HERC6: variants seen among roughly 807,000 people sequenced by gnomAD.
The protein encoded by HERC6 is HECT and RLD domain containing E3 ubiquitin protein ligase family member 6, also known as probable E3 ubiquitin-protein ligase HERC6.
In HERC6, 101 loss-of-function variants were observed where a neutral mutation model predicts 114.5. The ratio of observed to expected loss-of-function variants is 0.88; its 90% CI spans 0.75 to 1.04. The LOEUF (loss-of-function observed/expected upper bound fraction) is 1.04. Among genes scored for constraint, HERC6 ranks in the 50% least tolerant of loss-of-function variants. HERC6 has a pLI of 0.00. For missense variants in HERC6, 1,133 were observed against 1,230.9 expected, an observed-to-expected ratio of 0.92 and a Z score of 1.19; for synonymous variants, 408 against 436.2, an observed-to-expected ratio of 0.94 and a Z score of 0.81.
At chr4:88,400,403 C>T (rs1275940068) in intron 8 of HERC6, among the ~76,000 whole-genome samples, 1 of 152,104 alleles carries the variant, frequency 6.6e-6, no homozygotes, top group African/African-American at 2.4e-5. Flanking sequence ...CGCCATGTTG[C>T]TCAGGCTGGT....
At chr4:88,414,310 ATTT>A (rs58308049) in intron 12 of HERC6, among the ~76,000 whole-genome samples, 1 of 148,392 alleles carries the variant, frequency 6.7e-6, no homozygotes, top group African/African-American at 2.5e-5. Context: ...GACTCTACCA[ATTT>A]TTTTTTTTTT....
intron 13 of HERC6, among the ~76,000 whole-genome samples, chr4:88,421,837 T>C (rs1245860028): frequency 2.0e-5 from 3 of 152,248 alleles, no homozygotes; most frequent in Admixed American, 2.0e-4. Flanking sequence ...CTTGTGATTT[T>C]GACTTGTATT....
intron 16 of HERC6, among the ~76,000 whole-genome samples, chr4:88,430,569 C>CAAAT (rs375978104): frequency 0.21 from 29,183 of 141,126 alleles, 3,700 homozygotes; most frequent in African/African-American, 0.33. Context: ...GACTCCATCT[C>CAAAT]AAATAAATAA....
At chr4:88,401,532 A>G (rs1735545861) in intron 8 of HERC6, among the ~76,000 whole-genome samples, 1 of 152,086 alleles carries the variant, frequency 6.6e-6, no homozygotes, top group African/African-American at 2.4e-5. Context: ...GAAACAGTGA[A>G]TAATTGCAGA....
At chr4:88,392,270 C>T (rs763431761) in intron 4 of HERC6, among the ~76,000 whole-genome samples, 2 of 150,392 alleles carry the variant, frequency 1.3e-5, no homozygotes, top group East Asian at 2.0e-4. Flanking sequence ...TCTCAGCTCC[C>T]GAGTAGCTGG....
intron 8 of HERC6, among the ~76,000 whole-genome samples, chr4:88,401,176 G>A (rs1486036931): frequency 6.6e-6 from 1 of 152,120 alleles, no homozygotes; most frequent in Non-Finnish European, 1.5e-5. Flanking sequence ...AGAGAACTGC[G>A]AGAGGGTTTC....
rs754210835 is a variant in HERC6, at chr4:88,390,770, G to A, written c.555G>A (p.Gln185=). 9 of 1,614,118 alleles carry A rather than the reference G, an allele frequency of 5.6e-6. No homozygotes were observed. The highest frequency in any genetic ancestry group is 3.3e-5 in the South Asian group (3 of 91,094). ...CCCTGGAGGGGATCCCACTGGCTCAGGTGGCTGCCGGAGGGGCTCACAGCT... is the reference window on the plus strand; with the variant it reads ...CCCTGGAGGGGATCCCACTGGCTCAAGTGGCTGCCGGAGGGGCTCACAGCT... ...VRSLEGIPLA[Q]VAAGGAHSFA... is the part of the protein sequence containing the mutation. Residue 185 remains glutamine (Q), a synonymous_variant, in exon 4 of 23, where the codon CAG becomes CAA. Transcript: ENST00000264346.
At chr4:88,388,490 G>T (rs563304419) in intron 3 of HERC6, among the ~76,000 whole-genome samples, 2 of 150,568 alleles carry the variant, frequency 1.3e-5, no homozygotes, top group South Asian at 2.1e-4. Context: ...GGCAGAGGTT[G>T]CAGTGAGCTG....
At chr4:88,410,639 A>G (rs1452832758) in intron 11 of HERC6, among the ~76,000 whole-genome samples, 2 of 152,178 alleles carry the variant, frequency 1.3e-5, no homozygotes, top group Non-Finnish European at 2.9e-5. Flanking sequence ...TAGGATTTTA[A>G]CATATGAATT....
In HERC6 at chr4:88,439,897, T is replaced by C; in HGVS notation, c.2579T>C (p.Ile860Thr). The C allele has an allele frequency of 1.3e-6, 2 of 1,556,938 alleles. No individual in the cohort carries two copies. The highest frequency in any genetic ancestry group is 2.3e-5 in the East Asian group (1 of 43,160). The change falls in exon 21 of 23, where the codon ATT becomes ACT. Residue 860 changes from isoleucine (I) to threonine (T), a missense_variant. Coordinates refer to ENST00000264346, the MANE Select transcript of HERC6 (RefSeq NM_017912.4). The part of the protein sequence containing the change: ...TNKRDYVSKY[I>T]DYIFNVSVKA... Reference sequence around the variant, plus strand: ...AGGAGAGACTATGTTTCTAAGTATATTGATTACATTTTCAACGTCTCTGTA... The same window carrying C: ...AGGAGAGACTATGTTTCTAAGTATACTGATTACATTTTCAACGTCTCTGTA...
chr4:88,403,476 C>T (rs558900921), intron 8 of HERC6, among the ~76,000 whole-genome samples: 4 of 152,256 alleles, frequency 2.6e-5, no homozygotes, highest in Middle Eastern at 3.4e-3. Context: ...CCAGATAGGC[C>T]GGGCGAGGTG....
chr4:88,419,546 CT>C (rs145226686), intron 13 of HERC6, among the ~76,000 whole-genome samples: 3,818 of 152,236 alleles, frequency 0.025, 96 homozygotes, highest in South Asian at 0.1. Flanking sequence ...GGCAGCACTT[CT>C]TAAACTTTAA....
At chr4:88,392,760 C>A (rs567050360) in intron 4 of HERC6, among the ~76,000 whole-genome samples, 7 of 152,196 alleles carry the variant, frequency 4.6e-5, no homozygotes, top group Non-Finnish European at 8.8e-5. Context: ...CTAACTGCAG[C>A]CTTGCAAGTA....
At chr4:88,379,232 C>T in intron 1 of HERC6, 112 bp downstream of exon 1, 1 of 854,390 alleles carries the variant, frequency 1.2e-6, no homozygotes, top group Non-Finnish European at 1.7e-6. Flanking sequence ...GGGTGAGGGG[C>T]GCGGGGGCCC....
rs750753646 is a variant in HERC6, at chr4:88,385,519, A to T, written c.380A>T (p.Asp127Val). ...TATAGGAAAATAATGACTCTGAATG[A>T]TATAAAAATAATACAAGTTTCCTGT... is the stretch of plus-strand genomic sequence containing the variant. ...FTPKKIMTLN[D>V]IKIIQVSCGH... The change falls in exon 3 of 23, where the codon GAT (aspartate) becomes GTT (valine). Residue 127 changes from aspartate (D) to valine (V), a missense_variant. By Grantham distance (152) the Asp-to-Val change is radical (BLOSUM62 -3). Around this residue, in one of 3 missense-constraint regions of HERC6, gnomAD observed 735 missense variants for 754.0 expected, o/e 0.97. Coordinates refer to ENST00000264346, the MANE Select transcript of HERC6 (RefSeq NM_017912.4). The T allele has an allele frequency of 6.8e-7, 1 of 1,474,050 alleles. No individual in the cohort carries two copies. The highest frequency in any genetic ancestry group is 1.3e-5 in the South Asian group (1 of 77,478). 91.3% of individuals were successfully genotyped at this position (1,474,050 alleles called of 1,614,324 possible). A position where few individuals can be genotyped will look rare whatever the true frequency, so the allele number is the denominator to read the frequency against.
At chr4:88,439,030 T>A (rs1376739391) in intron 20 of HERC6, among the ~76,000 whole-genome samples, 3 of 152,156 alleles carry the variant, frequency 2.0e-5, no homozygotes, top group African/African-American at 7.2e-5. Context: ...GCAGGAATAA[T>A]TTTCACAAAG....
chr4:88,384,876 AG>A (rs796536458), intron 2 of HERC6, among the ~76,000 whole-genome samples: 8 of 152,200 alleles, frequency 5.3e-5, no homozygotes, highest in African/African-American at 1.9e-4. Context: ...AAAAAAAAAT[AG>A]CCGGACGTTG....
chr4:88,432,664 G>A (rs535993785), intron 17 of HERC6, among the ~76,000 whole-genome samples: 14 of 152,064 alleles, frequency 9.2e-5, no homozygotes, highest in South Asian at 4.2e-4. Context: ...AAGAGGCAGA[G>A]GTTGCAGTGA....
At chr4:88,407,230 A>T (rs533313008) in intron 10 of HERC6, among the ~76,000 whole-genome samples, 6 of 151,874 alleles carry the variant, frequency 4.0e-5, no homozygotes, top group Middle Eastern at 3.2e-3. Context: ...GGCATGCGCC[A>T]CCATGCCCAG....
Sources: allele counts gnomAD v4.1 joint callset (sites outside exome capture counted in the v4.1 genomes callset), GRCh38; gene constraint gnomAD v4.1.1; regional missense constraint gnomAD v4.1.1; transcripts MANE v1.5; gene names NCBI Gene and HGNC (gene_info 2026-07-23, HGNC 2026-07-21).